Variants in LARP1B observed in about 807,000 individuals in gnomAD.
The protein encoded by LARP1B is La ribonucleoprotein 1B.
Under a neutral mutation model 114.2 loss-of-function variants are expected in LARP1B, and 76 were observed. The observed-to-expected ratio is 0.67, with a 90% confidence interval of 0.55 to 0.81. The LOEUF (loss-of-function observed/expected upper bound fraction) is 0.81. Ranked by LOEUF, LARP1B falls within the 30% of genes least tolerant of loss-of-function variation. LARP1B has a pLI of 0.00. For synonymous variants in LARP1B, 345 were observed against 348.0 expected, an observed-to-expected ratio of 0.99 and a Z score of 0.10; for missense variants, 1,014 against 1,075.8, an observed-to-expected ratio of 0.94 and a Z score of 0.80.
chr4:128,210,657 A>C lies in LARP1B; in HGVS notation c.*604A>C. On this transcript the variant is annotated 3_prime_UTR_variant, in exon 20 of 20. Coordinates refer to ENST00000326639, the MANE Select transcript of LARP1B (RefSeq NM_018078.4). The stretch of plus-strand genomic sequence containing the variant: ...AAAACAAAAGTAGGAATATATAGTA[A>C]GATTGTAGTTACAATGAGTATATGC... 1 of 961,204 alleles carries C rather than the reference A, an allele frequency of 1.0e-6. No homozygotes were observed. The highest frequency in any genetic ancestry group is 1.2e-6 in the Non-Finnish European group (1 of 807,874). 59.5% of individuals were successfully genotyped at this position (961,204 alleles called of 1,614,324 possible).
At chr4:128,182,986 G>A (rs1336722761) in intron 15 of LARP1B, among the ~76,000 whole-genome samples, 1 of 152,178 alleles carries the variant, frequency 6.6e-6, no homozygotes, top group African/African-American at 2.4e-5. Flanking sequence ...AAGAGGCGAG[G>A]GAGGTGCAGA....
chr4:128,200,871 C>T (rs1322508407), intron 17 of LARP1B, among the ~76,000 whole-genome samples: 2 of 152,028 alleles, frequency 1.3e-5, no homozygotes, highest in Admixed American at 1.3e-4. Flanking sequence ...TGCAAATTAC[C>T]CCAAAACTCC....
chr4:128,088,996 G>T (rs1432607336), intron 5 of LARP1B, among the ~76,000 whole-genome samples: 1 of 152,040 alleles, frequency 6.6e-6, no homozygotes, highest in East Asian at 1.9e-4. Context: ...GACTGTTTTA[G>T]GTCTAAGCAT....
chr4:128,069,377 A>G, intron 1 of LARP1B: 1 of 767,230 alleles, frequency 1.3e-6, no homozygotes, highest in Non-Finnish European at 2.4e-6. Flanking sequence ...CATGATGGAC[A>G]GGCTTGCCAT....
chr4:128,113,048 G>C (rs1784645101), intron 9 of LARP1B, among the ~76,000 whole-genome samples: 1 of 152,108 alleles, frequency 6.6e-6, no homozygotes, highest in Non-Finnish European at 1.5e-5. Context: ...ATTTATTTCA[G>C]CTTTCTGCAT....
At chr4:128,190,026 C>G (rs1751715516) in intron 15 of LARP1B, among the ~76,000 whole-genome samples, 1 of 152,196 alleles carries the variant, frequency 6.6e-6, no homozygotes, top group South Asian at 2.1e-4. Flanking sequence ...GAGTTTTATA[C>G]CTTCAAACAT....
rs528571005 is a variant in LARP1B at position 128,145,858 on chromosome 4, C to T, written c.1525-16336C>T. ...TTATGGTTATTTACATTAGGAGGCACAGGCTGGTATTGGTTGCTCCGTCAT... is the reference window on the plus strand; with the variant it reads ...TTATGGTTATTTACATTAGGAGGCATAGGCTGGTATTGGTTGCTCCGTCAT... On this transcript the variant is annotated intron_variant, in intron 11 of 19. Coordinates refer to ENST00000326639, the MANE Select transcript of LARP1B (RefSeq NM_018078.4). Among the ~76,000 whole-genome samples the T allele has an allele frequency of 1.4e-4, 21 of 152,304 alleles. 1 individual carries two copies. Among genetic ancestry groups the T allele is most frequent in the Admixed American group, 1.4e-3 (21 of 15,302 alleles).
At chr4:128,074,153 C>T (rs186260933) in intron 1 of LARP1B, among the ~76,000 whole-genome samples, 31 of 151,540 alleles carry the variant, frequency 2.0e-4, no homozygotes, top group African/African-American at 7.3e-4. Flanking sequence ...TTGGTCAGGC[C>T]GGTCTCGAAC....
At chr4:128,098,767 A>ATATATATATAT (rs1328165907) in intron 8 of LARP1B, among the ~76,000 whole-genome samples, 7 of 35,032 alleles carry the variant, frequency 2.0e-4, no homozygotes, top group East Asian at 1.3e-3. Context: ...ATATATATAT[A>ATATATATATAT]TTTTTTTTTT....
At chr4:128,107,633 T>C in intron 9 of LARP1B, 1 of 1,410,816 alleles carries the variant, frequency 7.1e-7, no homozygotes. Context: ...AAAATTGGAA[T>C]AGTATGATTG....
downstream of LARP1B, among the ~76,000 whole-genome samples, chr4:128,213,196 G>C (rs543112150): frequency 6.6e-6 from 1 of 152,028 alleles, no homozygotes; most frequent in Non-Finnish European, 1.5e-5. Context: ...TTACAGGTGT[G>C]AGCCACTGCG....
At chr4:128,117,478 C>T (rs978879893) in intron 10 of LARP1B, among the ~76,000 whole-genome samples, 3 of 151,666 alleles carry the variant, frequency 2.0e-5, no homozygotes, top group Non-Finnish European at 4.4e-5. Flanking sequence ...TTTCCCCTCC[C>T]GGGTTCAAGC....
intron 4 of LARP1B, among the ~76,000 whole-genome samples, chr4:128,079,395 G>C (rs560494047): frequency 6.6e-6 from 1 of 150,734 alleles, no homozygotes; most frequent in Non-Finnish European, 1.5e-5. Flanking sequence ...GGGCCTGGCC[G>C]AATAGTTTGT....
At chr4:128,194,093 A>T (rs1044002712) in intron 15 of LARP1B, among the ~76,000 whole-genome samples, 11 of 151,812 alleles carry the variant, frequency 7.2e-5, no homozygotes, top group African/African-American at 2.7e-4. Flanking sequence ...ATTTATTGAG[A>T]TGCAGTTTCA....
intron 15 of LARP1B, among the ~76,000 whole-genome samples, chr4:128,188,398 A>G (rs1751061368): frequency 6.6e-6 from 1 of 152,120 alleles, no homozygotes; most frequent in South Asian, 2.1e-4. Context: ...TAGTAATGTG[A>G]GAACAGCCTA....
Position 128,210,177 on chromosome 4 carries a change from G to A in LARP1B, c.*124G>A. The A allele has an allele frequency of 6.7e-7, 1 of 1,503,078 alleles. No individual in the cohort carries two copies. The highest frequency in any genetic ancestry group is 8.9e-7 in the Non-Finnish European group (1 of 1,127,538). 93.1% of individuals were successfully genotyped at this position (1,503,078 alleles called of 1,614,324 possible). ...AGTATTTATTTGGGGAAAATCTTCTGGTGTTTAATTGTGATAATAAGAAAG... is the reference window on the plus strand; with the variant it reads ...AGTATTTATTTGGGGAAAATCTTCTAGTGTTTAATTGTGATAATAAGAAAG... On this transcript the variant is annotated 3_prime_UTR_variant, in exon 20 of 20. Coordinates refer to ENST00000326639, the MANE Select transcript of LARP1B (RefSeq NM_018078.4).
intron 8 of LARP1B, among the ~76,000 whole-genome samples, chr4:128,104,162 G>T (rs1176958734): frequency 1.3e-5 from 2 of 151,596 alleles, no homozygotes; most frequent in Admixed American, 6.6e-5. Flanking sequence ...CTATGTATAC[G>T]GTCAGGTAAC....
At chr4:128,122,717 C>G in intron 11 of LARP1B, 1 of 1,282,418 alleles carries the variant, frequency 7.8e-7, no homozygotes, top group Middle Eastern at 2.2e-4. Context: ...GGATGATTAT[C>G]TCTCTTGGTC....
At chr4:128,217,800 C>T (rs1177295327) in intron 6 of LARP1B, among the ~76,000 whole-genome samples, 49 of 140,980 alleles carry the variant, frequency 3.5e-4, no homozygotes, top group African/African-American at 1.2e-3. Context: ...CCAGGGCAAT[C>T]AGGCAGGAGA....
Sources: gnomAD v4.1 joint callset for allele counts (sites outside exome capture counted in the v4.1 genomes callset) on GRCh38, gnomAD v4.1.1 for gene constraint, MANE v1.5 for transcripts, NCBI Gene and HGNC (gene_info 2026-07-23, HGNC 2026-07-21) for gene names.